The following CDH13 variants were observed in gnomAD, a reference collection of about 807,000 sequenced individuals.
CDH13 encodes cadherin 13, also known as cadherin-13.
In CDH13, 24 loss-of-function variants were observed where a neutral mutation model predicts 63.8. The ratio of observed to expected loss-of-function variants is 0.38; its 90% CI spans 0.27 to 0.53. CDH13 has a LOEUF of 0.53. CDH13 is among the 20% of genes least tolerant of loss of function. CDH13 has a pLI of 0.85. For missense variants in CDH13, 1,049 were observed against 903.1 expected (o/e 1.16, Z -2.07); for synonymous variants, 503 against 355.3 (o/e 1.42, Z -4.67).
At chr16:83,694,263 C>G (rs1480424213) in intron 10 of CDH13, among the ~76,000 whole-genome samples, 2 of 152,186 alleles carry the variant, frequency 1.3e-5, no homozygotes, top group Non-Finnish European at 2.9e-5. Context: ...TGTGTTCACC[C>G]CCACATCACT....
intron 5 of CDH13, among the ~76,000 whole-genome samples, chr16:83,232,916 T>C (rs546479108): frequency 1.3e-5 from 2 of 152,308 alleles, no homozygotes; most frequent in Admixed American, 1.3e-4. Flanking sequence ...TTTCCCCTTT[T>C]CTGGGTATTT....
intron 2 of CDH13, among the ~76,000 whole-genome samples, chr16:83,027,044 C>A (rs549801285): frequency 1.5e-3 from 225 of 151,914 alleles, no homozygotes; most frequent in Non-Finnish European, 2.5e-3. Context: ...TCACTACGGG[C>A]CTCTTATCCC....
intron 2 of CDH13, among the ~76,000 whole-genome samples, chr16:83,009,624 C>G (rs1913912370): frequency 6.6e-6 from 1 of 152,298 alleles, no homozygotes; most frequent in South Asian, 2.1e-4. Context: ...AGCCAATATT[C>G]TCTCTGCATA....
chr16:83,132,950 G>A (rs911940000), intron 4 of CDH13, among the ~76,000 whole-genome samples: 3 of 152,012 alleles, frequency 2.0e-5, no homozygotes, highest in Non-Finnish European at 4.4e-5. Context: ...GTTCTTCCTG[G>A]GATACACCCT....
chr16:83,646,688 G>A (rs1184767839), intron 8 of CDH13, among the ~76,000 whole-genome samples: 7 of 24,144 alleles, frequency 2.9e-4, no homozygotes, highest in African/African-American at 8.9e-4. Context: ...GCAAGACTCC[G>A]TCTCAAAAAA....
At chr16:83,368,644 A>T (rs760845699) in intron 6 of CDH13, among the ~76,000 whole-genome samples, 3 of 151,586 alleles carry the variant, frequency 2.0e-5, no homozygotes, top group East Asian at 3.9e-4. Flanking sequence ...ACTGTACCCA[A>T]TGTGTAGTCT....
At chr16:82,907,042 G>T (rs981677764) in intron 2 of CDH13, among the ~76,000 whole-genome samples, 2 of 152,142 alleles carry the variant, frequency 1.3e-5, no homozygotes, top group Non-Finnish European at 2.9e-5. Context: ...ATTTAACCCA[G>T]AGCAACTGTC....
chr16:83,634,189 A>C (rs1373250420), intron 8 of CDH13, among the ~76,000 whole-genome samples: 1 of 151,330 alleles, frequency 6.6e-6, no homozygotes, highest in Non-Finnish European at 1.5e-5. Context: ...ACACGTACAG[A>C]TTTGTGTGAC....
At chr16:83,552,134 T>G (rs892978298) in intron 7 of CDH13, among the ~76,000 whole-genome samples, 3 of 152,154 alleles carry the variant, frequency 2.0e-5, no homozygotes, top group Non-Finnish European at 4.4e-5. Context: ...GAAGGCTGAG[T>G]GCCCTTTGTC....
At chr16:82,793,744 C>A (rs574012544) in intron 1 of CDH13, among the ~76,000 whole-genome samples, 1 of 152,072 alleles carries the variant, frequency 6.6e-6, no homozygotes, top group Non-Finnish European at 1.5e-5. Flanking sequence ...ATCAACAGGG[C>A]GCTCCCCAAG....
At chr16:83,275,614 C>G (rs2088962513) in intron 5 of CDH13, among the ~76,000 whole-genome samples, 1 of 152,194 alleles carries the variant, frequency 6.6e-6, no homozygotes, top group East Asian at 1.9e-4. Flanking sequence ...CACCATTTTC[C>G]TCCTGGCATT....
intron 2 of CDH13, among the ~76,000 whole-genome samples, chr16:82,981,206 C>G (rs955123601): frequency 3.9e-5 from 6 of 152,206 alleles, no homozygotes; most frequent in African/African-American, 1.4e-4. Context: ...CTTCCACTTT[C>G]CGTTTCACCA....
chr16:83,612,498 A>G (rs1355334027), intron 8 of CDH13, among the ~76,000 whole-genome samples: 4 of 151,996 alleles, frequency 2.6e-5, no homozygotes, highest in South Asian at 2.1e-4. Flanking sequence ...TATTTTGCCC[A>G]TTTACATTTA....
At chr16:82,976,386 A>G (rs1240103247) in intron 2 of CDH13, among the ~76,000 whole-genome samples, 2 of 152,176 alleles carry the variant, frequency 1.3e-5, no homozygotes, top group Non-Finnish European at 2.9e-5. Flanking sequence ...ACTCAACTGT[A>G]ACGGTGGATT....
chr16:82,787,841 A>AGTGT (rs10528183), intron 1 of CDH13, among the ~76,000 whole-genome samples: 1 of 146,654 alleles, frequency 6.8e-6, no homozygotes. Flanking sequence ...GAAGGGAGGA[A>AGTGT]GTGTGTGTGT....
intron 1 of CDH13, among the ~76,000 whole-genome samples, chr16:82,715,101 C>G (rs985191797): frequency 2.0e-5 from 3 of 149,846 alleles, no homozygotes; most frequent in African/African-American, 7.4e-5. Flanking sequence ...AGACAGGACC[C>G]TAGCTAAGTT....
At chr16:83,587,791 A>C (rs35192649) in intron 7 of CDH13, among the ~76,000 whole-genome samples, 4,738 of 152,252 alleles carry the variant, frequency 0.031, 99 homozygotes, top group Middle Eastern at 0.054. Context: ...ATTGAAACCC[A>C]AGGAAAGCTA....
intron 2 of CDH13, among the ~76,000 whole-genome samples, chr16:82,888,195 C>T (rs537450722): frequency 5.5e-4 from 84 of 152,308 alleles, no homozygotes; most frequent in Non-Finnish European, 1.0e-3. Flanking sequence ...TTTGTATCCT[C>T]TATGACCTTG....
chr16:83,648,468 A>T (rs571216347), intron 8 of CDH13, among the ~76,000 whole-genome samples: 4 of 152,186 alleles, frequency 2.6e-5, no homozygotes, highest in African/African-American at 9.6e-5. Context: ...GGTGGTGTCC[A>T]TGGTTCCTGC....
Sources: allele counts gnomAD v4.1 joint callset (sites outside exome capture counted in the v4.1 genomes callset), GRCh38; gene constraint gnomAD v4.1.1; transcripts MANE v1.5; gene names NCBI Gene and HGNC (gene_info 2026-07-23, HGNC 2026-07-21).